The following IFT122 variants were observed in gnomAD, a reference collection of about 807,000 sequenced individuals.
The protein encoded by IFT122 is intraflagellar transport protein 122 homolog.
In IFT122, 118 loss-of-function variants were observed where a neutral mutation model predicts 161.6. The observed-to-expected ratio is 0.73, with a 90% CI of 0.63 to 0.85. IFT122 has a LOEUF of 0.85. Ranked by LOEUF, IFT122 falls within the 40% of genes least tolerant of loss-of-function variation. IFT122 has a pLI of 0.00. For synonymous variants in IFT122, 550 were observed against 602.4 expected, an observed-to-expected ratio of 0.91 and a Z score of 1.27; for missense variants, 1,381 against 1,579.6, an observed-to-expected ratio of 0.87 and a Z score of 2.13.
At chr3:129,516,576 CACAGAG>C (rs2083723148) in intron 26 of IFT122, among the ~76,000 whole-genome samples, 1 of 127,170 alleles carries the variant, frequency 7.9e-6, no homozygotes, top group Admixed American at 7.9e-5. Flanking sequence ...CACACACACA[CACAGAG>C]AGACTGCCCC....
rs113737110 is a variant in IFT122 at position 129,504,134 on chromosome 3, T to C, written c.2548-185T>C. On this transcript the variant is annotated intron_variant, in intron 20 of 29. Coordinates refer to ENST00000348417, the MANE Select transcript of IFT122 (RefSeq NM_052989.3). Reference sequence around the variant, plus strand: ...CGCTTGCATATTGCTGTTAATTGCCTTTTGTTTTCGAAGAGCTGATTTGTT... The same window carrying C: ...CGCTTGCATATTGCTGTTAATTGCCCTTTGTTTTCGAAGAGCTGATTTGTT... 17,159 of 588,076 alleles carry C rather than the reference T, an allele frequency of 0.029. 404 individuals are homozygous for C. The highest frequency in any genetic ancestry group is 0.04 in the Non-Finnish European group (12,948 of 326,146). The allele number at this position is 588,076 out of a possible 1,614,324, so 36.4% of individuals were successfully genotyped here.
In IFT122 at chr3:129,495,626, G is replaced by C; in HGVS notation, c.2208+19G>C. On this transcript the variant is annotated intron_variant, in intron 18 of 29. Transcript: ENST00000348417. The stretch of plus-strand genomic sequence containing the variant: ...TGCCAAGGTAACCTACCCTGTCCCA[G>C]GCCCAAGCTCCAGCTTGGAGCCCAC... The C allele has an allele frequency of 1.2e-6, 2 of 1,614,098 alleles. No individual in the cohort carries two copies. Among genetic ancestry groups the C allele is most frequent in the Non-Finnish European group, 1.7e-6 (2 of 1,179,996 alleles).
chr3:129,480,055 G>T, intron 13 of IFT122, 133 bp downstream of exon 13: 2 of 1,155,366 alleles, frequency 1.7e-6, no homozygotes, highest in Non-Finnish European at 2.5e-6. Flanking sequence ...GAATTGTGGG[G>T]CAGCCTGAGT....
intron 12 of IFT122, 52 bp from the exon 13 acceptor site, chr3:129,479,733 T>TG: frequency 1.9e-6 from 3 of 1,612,262 alleles, no homozygotes; most frequent in Admixed American, 3.3e-5. Context: ...TGGGGAGGTC[T>TG]GGGGGCACTT....
rs1186944696 is a variant in IFT122 at position 129,458,645 on chromosome 3, G to A, written c.240G>A (p.Trp80Ter). ...CAGCTGACAAAAGCGTTATTATCTGGACATCAAAACTGGAAGGCATTCTGA... is the reference window on the plus strand; with the variant it reads ...CAGCTGACAAAAGCGTTATTATCTGAACATCAAAACTGGAAGGCATTCTGA... ...SGSADKSVII[W>*]TSKLEGILKY... Residue 80 changes from tryptophan to a stop codon, truncating the protein, a stop_gained, in exon 4 of 30, where the codon TGG becomes TGA. Coordinates refer to ENST00000348417, the MANE Select transcript of IFT122 (RefSeq NM_052989.3). LOFTEE classifies it high-confidence loss of function. 1.2e-6 allele frequency: 2 copies of A among 1,614,046 alleles called. No homozygotes were observed. The highest frequency in any genetic ancestry group is 1.1e-5 in the South Asian group (1 of 91,064).
intron 18 of IFT122, among the ~76,000 whole-genome samples, chr3:129,498,995 T>G (rs2081221434): frequency 6.6e-6 from 1 of 152,232 alleles, no homozygotes; most frequent in Non-Finnish European, 1.5e-5. Flanking sequence ...CCAGAGAAGC[T>G]GGGCATACCA....
At chr3:129,494,733 A>G (rs2080630774) in intron 17 of IFT122, among the ~76,000 whole-genome samples, 1 of 152,000 alleles carries the variant, frequency 6.6e-6, no homozygotes, top group African/African-American at 2.4e-5. Flanking sequence ...ACTTGCTTCA[A>G]AAGACTACAT....
intron 13 of IFT122, 35 bp downstream of exon 13, chr3:129,479,957 A>C (rs1318162180): frequency 6.2e-7 from 1 of 1,613,098 alleles, no homozygotes; most frequent in Non-Finnish European, 8.5e-7. Flanking sequence ...TCAGGCTGAT[A>C]ATCTGCATGC....
intron 16 of IFT122, among the ~76,000 whole-genome samples, chr3:129,489,915 C>G (rs1419106182): frequency 6.6e-6 from 1 of 151,424 alleles, no homozygotes; most frequent in Non-Finnish European, 1.5e-5. Context: ...CTGCCCCACC[C>G]AGAAATGCCA....
At chr3:129,442,348 A>G (rs1440144516) in intron 1 of IFT122, among the ~76,000 whole-genome samples, 1 of 152,204 alleles carries the variant, frequency 6.6e-6, no homozygotes, top group Admixed American at 6.5e-5. Flanking sequence ...GGTTGTTGTT[A>G]CTATGGATAG....
chr3:129,505,443 C>T (rs1241539797), intron 21 of IFT122, among the ~76,000 whole-genome samples: 1 of 152,248 alleles, frequency 6.6e-6, no homozygotes, highest in Non-Finnish European at 1.5e-5. Context: ...GCTGCTTCAG[C>T]ATTTCCAGAG....
rs183309494 is a variant in IFT122, at chr3:129,512,167, C to T, written c.2887-145C>T. 9.0e-5 allele frequency: 67 copies of T among 741,016 alleles called. No homozygotes were observed. In the East Asian group the frequency reaches 1.1e-3, roughly 13 times the overall value. The allele number at this position is 741,016 out of a possible 1,614,324, so 45.9% of individuals were successfully genotyped here. ...ACCAGATGAGACAGTGGCTATATGGCGCTCAGCACACAGTAGGAGTAGGTG... is the reference window on the plus strand; with the variant it reads ...ACCAGATGAGACAGTGGCTATATGGTGCTCAGCACACAGTAGGAGTAGGTG... On this transcript the variant is annotated intron_variant, in intron 23 of 29. Transcript: ENST00000348417.
chr3:129,488,591 A>G (rs1313622161), intron 16 of IFT122, among the ~76,000 whole-genome samples, 194 bp downstream of exon 16: 2 of 152,116 alleles, frequency 1.3e-5, no homozygotes, highest in East Asian at 1.9e-4. Flanking sequence ...TTGCTTCTCT[A>G]TAGACGTAGG....
At chr3:129,442,583 A>C (rs543395338) in intron 1 of IFT122, among the ~76,000 whole-genome samples, 2 of 152,166 alleles carry the variant, frequency 1.3e-5, no homozygotes, top group South Asian at 2.1e-4. Flanking sequence ...ACTAAACAAA[A>C]AAAAAAAAGA....
rs1249163355 is a variant in IFT122, at chr3:129,506,552, G to A, written c.2791+3G>A. On this transcript the variant is annotated splice_donor_region_variant and intron_variant, in intron 22 of 29. Transcript: ENST00000348417. Reference sequence around the variant, plus strand: ...GCAGTGCCTCGATATAGCTCAAGGTGTGTAAACATCAGCCAGACCACTGTT... The same window carrying A: ...GCAGTGCCTCGATATAGCTCAAGGTATGTAAACATCAGCCAGACCACTGTT... 6.2e-7 allele frequency: 1 copy of A among 1,614,234 alleles called. No individual in the cohort carries two copies. Among genetic ancestry groups the A allele is most frequent in the East Asian group, 2.2e-5 (1 of 44,888 alleles).
At chr3:129,456,223 TCAC>T in intron 3 of IFT122, 1 of 1,286,660 alleles carries the variant, frequency 7.8e-7, no homozygotes, top group Non-Finnish European at 1.0e-6. Flanking sequence ...TTCATCACCA[TCAC>T]CTGCTACCTA....
At position 129,476,815 on chromosome 3, in the gene IFT122, C is replaced by T. The variant is rs1300763204; in HGVS notation, c.1147+14C>T. On this transcript the variant is annotated intron_variant, in intron 11 of 29. Coordinates refer to ENST00000348417, the MANE Select transcript of IFT122 (RefSeq NM_052989.3). ...CTGAGCAGAAAGGTAAGAGGCAGGT[C>T]CAGACCTTGGGAAGAGGGACAGGTG... 1.2e-6 allele frequency: 2 copies of T among 1,613,852 alleles called. No individual in the cohort carries two copies. Among genetic ancestry groups the T allele is most frequent in the African/African-American group, 2.7e-5 (2 of 74,866 alleles).
chr3:129,440,260 C>A lies in IFT122; in HGVS notation c.-71C>A, dbSNP rs928004193. 2 of 1,540,268 alleles carry A rather than the reference C, an allele frequency of 1.3e-6. No homozygotes were observed. The highest frequency in any genetic ancestry group is 1.8e-6 in the Non-Finnish European group (2 of 1,140,478). On this transcript the variant is annotated 5_prime_UTR_variant, in exon 1 of 30. Transcript: ENST00000348417. ...CCAAAGTGGCTTGTGGAGTGGCGAC[C>A]GTTAGTGAGGCGGTTGCTGAGACAG...
Position 129,506,493 on chromosome 3 carries a change from A to T in IFT122, c.2735A>T (p.Asn912Ile), listed in dbSNP as rs1362878788. The change falls in exon 22 of 30, where the codon AAT (asparagine) becomes ATT (isoleucine). Residue 912 changes from asparagine (N) to isoleucine (I), a missense_variant. Asn to Ile is a moderately radical substitution (Grantham distance 149). This residue lies in a region of IFT122 where 496 missense variants were observed against 502.5 expected (regional missense o/e 0.99). Coordinates refer to ENST00000348417, the MANE Select transcript of IFT122 (RefSeq NM_052989.3). Reference protein sequence around the residue: ...TNNAVAESRFNDAAYYYWMLS... With the variant: ...TNNAVAESRFIDAAYYYWMLS... ...AATGCCGTGGCGGAGAGCAGGTTTAATGATGCTGCCTATTATTACTGGATG... is the reference window on the plus strand; with the variant it reads ...AATGCCGTGGCGGAGAGCAGGTTTATTGATGCTGCCTATTATTACTGGATG... 1 of 1,614,226 alleles carries T rather than the reference A, an allele frequency of 6.2e-7. No homozygotes were observed.
Sources: allele counts gnomAD v4.1 joint callset (sites outside exome capture counted in the v4.1 genomes callset), GRCh38; gene constraint gnomAD v4.1.1; regional missense constraint gnomAD v4.1.1; transcripts MANE v1.5; gene names NCBI Gene and HGNC (gene_info 2026-07-23, HGNC 2026-07-21).